The following ADAMTS20 variants were observed in gnomAD, a reference collection of about 807,000 sequenced individuals.
ADAMTS20 encodes ADAM metallopeptidase with thrombospondin type 1 motif 20, also known as A disintegrin and metalloproteinase with thrombospondin motifs 20.
ADAMTS20 carries 225 observed loss-of-function variants against 260.1 expected under a neutral mutation model. The observed-to-expected ratio is 0.87, with a 90% CI of 0.78 to 0.97. ADAMTS20 has a LOEUF of 0.97. Among genes scored for constraint, ADAMTS20 ranks in the 50% least tolerant of loss-of-function variants. The pLI, the probability that ADAMTS20 is intolerant of heterozygous loss-of-function variation, is 0.00. For missense variants in ADAMTS20, 2,400 were observed against 2,337.7 expected, an observed-to-expected ratio of 1.03 and a Z score of -0.55; for synonymous variants, 802 against 769.5, an observed-to-expected ratio of 1.04 and a Z score of -0.70.
At chr12:43,536,292 AT>A (rs1943294046) in intron 2 of ADAMTS20, among the ~76,000 whole-genome samples, 1 of 152,132 alleles carries the variant, frequency 6.6e-6, no homozygotes, top group Non-Finnish European at 1.5e-5. Flanking sequence ...GCCTTAATTC[AT>A]TACACTGTGT....
At chr12:43,363,167 A>ATTCTAATCATGGTGAATGCAGTTAAGGC (rs1939910916) in intron 37 of ADAMTS20, among the ~76,000 whole-genome samples, 1 of 151,978 alleles carries the variant, frequency 6.6e-6, no homozygotes, top group African/African-American at 2.4e-5. Flanking sequence ...CAAGATGATC[A>ATTCTAATCATGGTGAATGCAGTTAAGGC]TTCTAATCAT....
intron 36 of ADAMTS20, among the ~76,000 whole-genome samples, chr12:43,374,532 A>G (rs1471482893): frequency 6.6e-6 from 1 of 152,208 alleles, no homozygotes; most frequent in African/African-American, 2.4e-5. Flanking sequence ...AGTATGATCT[A>G]TAATCTAAGG....
At chr12:43,527,540 C>G (rs890727987) in intron 3 of ADAMTS20, among the ~76,000 whole-genome samples, 7 of 151,968 alleles carry the variant, frequency 4.6e-5, no homozygotes, top group Admixed American at 1.3e-4. Context: ...TTAACATACA[C>G]AAGTCAATAA....
At position 43,385,958 on chromosome 12, in the gene ADAMTS20, T is replaced by A. The variant is rs557521758; in HGVS notation, c.4453-1981A>T. 7.5e-4 allele frequency among the ~76,000 whole-genome samples: 115 copies of A among 152,348 alleles called. 1 individual carries two copies. Among genetic ancestry groups the A allele is most frequent in the African/African-American group, 2.7e-3 (113 of 41,584 alleles). On this transcript the variant is annotated intron_variant, in intron 29 of 38. Coordinates refer to ENST00000389420, the MANE Select transcript of ADAMTS20 (RefSeq NM_025003.5). The stretch of plus-strand genomic sequence containing the variant: ...TATTTGCATAGAGGTGTTTATAGTA[T>A]TCTTTGATGGTAGTTTGTATTTCTG...
chr12:43,515,015 C>T (rs1166658049), intron 3 of ADAMTS20, among the ~76,000 whole-genome samples: 1 of 152,148 alleles, frequency 6.6e-6, no homozygotes, highest in African/African-American at 2.4e-5. Context: ...CTTCATGGCA[C>T]TCCATTTCCA....
At chr12:43,447,343 C>A (rs548917870) in intron 14 of ADAMTS20, among the ~76,000 whole-genome samples, 1 of 152,178 alleles carries the variant, frequency 6.6e-6, no homozygotes, top group East Asian at 1.9e-4. Context: ...TCAACATATG[C>A]AAATCAACAA....
intron 37 of ADAMTS20, among the ~76,000 whole-genome samples, chr12:43,358,504 C>T (rs1037070017): frequency 1.1e-4 from 16 of 152,248 alleles, no homozygotes; most frequent in Middle Eastern, 3.4e-3. Context: ...TCAGACAGAT[C>T]TCACTCTAAA....
chr12:43,427,155 AGAGT>A (rs1232620855), intron 27 of ADAMTS20, among the ~76,000 whole-genome samples, 149 bp downstream of exon 27: 1 of 152,244 alleles, frequency 6.6e-6, no homozygotes, highest in East Asian at 1.9e-4. Context: ...CCTGGGCAAC[AGAGT>A]GAGACCCTGT....
chr12:43,547,137 G>A (rs1408292431), intron 2 of ADAMTS20, among the ~76,000 whole-genome samples: 5 of 152,160 alleles, frequency 3.3e-5, no homozygotes, highest in Non-Finnish European at 4.4e-5. Flanking sequence ...ACAACTAAAC[G>A]GAATCAATAA....
At chr12:43,359,865 A>G (rs1939829493) in intron 37 of ADAMTS20, among the ~76,000 whole-genome samples, 1 of 152,240 alleles carries the variant, frequency 6.6e-6, no homozygotes, top group African/African-American at 2.4e-5. Flanking sequence ...GTCTAGGTAT[A>G]AAGCATAAAA....
At chr12:43,435,264 G>C (rs1941528773) in intron 18 of ADAMTS20, among the ~76,000 whole-genome samples, 3 of 152,154 alleles carry the variant, frequency 2.0e-5, no homozygotes, top group Non-Finnish European at 1.5e-5. Flanking sequence ...GTGTGGAGGA[G>C]AATGGCAGAG....
chr12:43,364,103 C>A (rs919747036), intron 37 of ADAMTS20, among the ~76,000 whole-genome samples: 3 of 152,062 alleles, frequency 2.0e-5, no homozygotes, highest in Admixed American at 2.0e-4. Context: ...ACTGTGCATG[C>A]CCAAGACTGT....
chr12:43,464,659 A>C lies in ADAMTS20; in HGVS notation c.1441T>G (p.Ser481Ala). The change falls in exon 10 of 39, where the codon TCA becomes GCA. Residue 481 changes from serine (S) to alanine (A), a missense_variant. Ser to Ala is a moderately conservative substitution (Grantham distance 99). Transcript: ENST00000389420. ...IYNLPSELPG[S>A]RYDGNKQCEL... is the part of the protein sequence containing the mutation. ...CACTGCTTGTTTCCATCATATCGTG[A>C]TCCAGGAAGTTCTGAAGGCAGATTA... 1 of 1,613,490 alleles carries C rather than the reference A, an allele frequency of 6.2e-7. No homozygotes were observed. The highest frequency in any genetic ancestry group is 1.7e-5 in the Admixed American group (1 of 59,990).
intron 3 of ADAMTS20, among the ~76,000 whole-genome samples, chr12:43,503,553 ATTC>A (rs1262435887): frequency 2.4e-4 from 36 of 152,146 alleles, no homozygotes; most frequent in Admixed American, 1.6e-3. Context: ...TATTCGTCTT[ATTC>A]TTTTTTTTCT....
chr12:43,405,110 G>A (rs1940886502), intron 28 of ADAMTS20, among the ~76,000 whole-genome samples: 1 of 150,830 alleles, frequency 6.6e-6, no homozygotes, highest in Admixed American at 6.6e-5. Flanking sequence ...AAATTAAATA[G>A]AGGCCAGGTG....
chr12:43,512,421 T>C (rs1942937920), intron 3 of ADAMTS20, among the ~76,000 whole-genome samples: 2 of 151,388 alleles, frequency 1.3e-5, no homozygotes, highest in African/African-American at 4.8e-5. Context: ...GTAATATAAC[T>C]AATAAAATAT....
In ADAMTS20 at chr12:43,354,043, C is replaced by A; in HGVS notation, c.*166G>T. The stretch of plus-strand genomic sequence containing the variant: ...ATAGCTCTTAAATTTCTTTTATAGA[C>A]CTTATTAAGCAGTGATTTGAATCCC... On this transcript the variant is annotated 3_prime_UTR_variant, in exon 39 of 39. Transcript: ENST00000389420. The A allele has an allele frequency of 2.2e-6, 1 of 446,420 alleles. No individual in the cohort carries two copies. Among genetic ancestry groups the A allele is most frequent in the Non-Finnish European group, 4.0e-6 (1 of 251,454 alleles). 27.7% of individuals were successfully genotyped at this position (446,420 alleles called of 1,614,324 possible).
At chr12:43,393,733 A>G (rs1216362094) in intron 29 of ADAMTS20, among the ~76,000 whole-genome samples, 1 of 152,040 alleles carries the variant, frequency 6.6e-6, no homozygotes, top group Non-Finnish European at 1.5e-5. Flanking sequence ...AATCAATAAT[A>G]TAGTAGTACC....
intron 29 of ADAMTS20, among the ~76,000 whole-genome samples, chr12:43,388,059 C>T (rs748339055): frequency 1.2e-4 from 18 of 151,830 alleles, no homozygotes; most frequent in South Asian, 8.3e-4. Flanking sequence ...GCTGGCATTC[C>T]GGGTGCCACG....
Sources: gnomAD v4.1 joint callset for allele counts (sites outside exome capture counted in the v4.1 genomes callset) on GRCh38, gnomAD v4.1.1 for gene constraint, MANE v1.5 for transcripts, NCBI Gene and HGNC (gene_info 2026-07-23, HGNC 2026-07-21) for gene names.